Variants in SLC44A1 observed in about 807,000 individuals in gnomAD.
SLC44A1 encodes the protein solute carrier family 44 member 1, also known as choline transporter-like protein 1.
A neutral mutation model predicts 79.3 loss-of-function variants in SLC44A1; 26 were observed. The observed-to-expected ratio is 0.33, with a 90% CI of 0.24 to 0.46. The LOEUF (loss-of-function observed/expected upper bound fraction) is 0.46. Ranked by LOEUF, SLC44A1 falls within the 20% of genes least tolerant of loss-of-function variation. The pLI, the probability that SLC44A1 is intolerant of heterozygous loss-of-function variation, is 1.00. For missense variants in SLC44A1, 688 were observed against 798.1 expected (o/e 0.86, Z 1.66); for synonymous variants, 263 against 286.2 (o/e 0.92, Z 0.82).
chr9:105,309,783 C>T lies in SLC44A1; in HGVS notation c.186C>T (p.Tyr62=), dbSNP rs200569875. The T allele has an allele frequency of 2.2e-5, 35 of 1,613,700 alleles. No homozygotes were observed. In the Admixed American group the frequency reaches 3.2e-4, roughly 15 times the overall value. Residue 62 remains tyrosine (Y), a synonymous_variant, in exon 3 of 16, where the codon TAC becomes TAT. Coordinates refer to ENST00000374720, the MANE Select transcript of SLC44A1 (RefSeq NM_080546.5). ...CAGCAGCAAGACTAGTGTCAGGATA[C>T]GACAGCTATGGAAATATCTGTGGGC... ...TGAAARLVSG[Y]DSYGNICGQK... is the part of the protein sequence containing the mutation.
chr9:105,304,034 A>G (rs181997903), intron 2 of SLC44A1, among the ~76,000 whole-genome samples: 1 of 152,324 alleles, frequency 6.6e-6, no homozygotes, highest in East Asian at 1.9e-4. Context: ...TGAGTTGTGG[A>G]CATGTAGAAT....
chr9:105,358,225 T>C (rs7040751), intron 6 of SLC44A1, 119 bp from the exon 7 acceptor site: 28,004 of 606,068 alleles, frequency 0.046, 2,663 homozygotes, highest in African/African-American at 0.3. Flanking sequence ...CTTATCTAAA[T>C]TGTGGTCAAT....
At chr9:105,281,442 G>A (rs1830348614) in intron 1 of SLC44A1, among the ~76,000 whole-genome samples, 1 of 152,050 alleles carries the variant, frequency 6.6e-6, no homozygotes, top group African/African-American at 2.4e-5. Flanking sequence ...CATAAATGTG[G>A]TCACCAGAAA....
chr9:105,401,996 T>C (rs1251141387), downstream of SLC44A1, among the ~76,000 whole-genome samples: 1 of 152,056 alleles, frequency 6.6e-6, no homozygotes, highest in Non-Finnish European at 1.5e-5. Context: ...AGCCAGATGA[T>C]GAAGGGGTGG....
chr9:105,253,617 G>T (rs1438373068), intron 1 of SLC44A1, among the ~76,000 whole-genome samples: 1 of 152,170 alleles, frequency 6.6e-6, no homozygotes, highest in Non-Finnish European at 1.5e-5. Context: ...TTTGGTCTCA[G>T]CTACTCAGGA....
intron 15 of SLC44A1, among the ~76,000 whole-genome samples, chr9:105,431,693 C>G (rs1186600361): frequency 6.6e-6 from 1 of 152,140 alleles, no homozygotes; most frequent in South Asian, 2.1e-4. Context: ...AAATTCCAGT[C>G]CATATAGCTT....
intron 5 of SLC44A1, among the ~76,000 whole-genome samples, chr9:105,352,996 T>C (rs557381222): frequency 1.1e-4 from 16 of 152,340 alleles, no homozygotes; most frequent in Middle Eastern, 6.8e-3. Flanking sequence ...CTTTTTACTT[T>C]AAAGCTAAGT....
At chr9:105,385,653 A>G in intron 15 of SLC44A1, 151 bp downstream of exon 15, 2 of 1,418,638 alleles carry the variant, frequency 1.4e-6, no homozygotes, top group Admixed American at 2.8e-5. Context: ...GTGCTTACCC[A>G]TCACTTGGAT....
chr9:105,392,172 A>G lies in SLC44A1; in HGVS notation c.*3116A>G. The G allele has an allele frequency of 1.0e-6, 1 of 985,192 alleles. No individual in the cohort carries two copies. The highest frequency in any genetic ancestry group is 4.7e-5 in the South Asian group (1 of 21,284). 61.0% of individuals were successfully genotyped at this position (985,192 alleles called of 1,614,324 possible). On this transcript the variant is annotated 3_prime_UTR_variant, in exon 16 of 16. Transcript: ENST00000374720. The stretch of plus-strand genomic sequence containing the variant: ...CCTTGCATGGATGAGCAGAGCTCAA[A>G]GCCAGTTGTTCCTTTAAAGCATTTA...
At chr9:105,409,947 G>T (rs1027799561) in intron 15 of SLC44A1, among the ~76,000 whole-genome samples, 8 of 152,072 alleles carry the variant, frequency 5.3e-5, no homozygotes, top group Non-Finnish European at 1.2e-4. Flanking sequence ...GCTAAACCAT[G>T]TTAGGCCACA....
At chr9:105,438,170 A>C (rs1386358702) in intron 15 of SLC44A1, 16 of 841,158 alleles carry the variant, frequency 1.9e-5, no homozygotes, top group Non-Finnish European at 3.1e-5. Context: ...CTTACATTTC[A>C]TAATGTTTTC....
In SLC44A1 at chr9:105,309,807, G is replaced by A; in HGVS notation, c.210G>A (p.Gly70=). The A allele has an allele frequency of 6.2e-7, 1 of 1,613,920 alleles. No homozygotes were observed. The highest frequency in any genetic ancestry group is 1.1e-5 in the South Asian group (1 of 91,062). ...ACGACAGCTATGGAAATATCTGTGG[G>A]CAGAAAAATACAAAGTTGGAAGCAA... is the stretch of plus-strand genomic sequence containing the variant. ...SGYDSYGNIC[G]QKNTKLEAIP... The change falls in exon 3 of 16, where the codon GGG becomes GGA. Residue 70 remains glycine (G), a synonymous_variant. Transcript: ENST00000374720.
chr9:105,405,213 C>T lies in SLC44A1; in HGVS notation c.1950+19711C>T, dbSNP rs565209395. On this transcript the variant is annotated intron_variant, in intron 15 of 15. Coordinates refer to the SLC44A1 transcript ENST00000374724. Reference sequence around the variant, plus strand: ...GCGGGCACCTGCAATCCCAGCTACTCGGGAGGCTGAGGCAGGAGAATCTCT... The same window carrying T: ...GCGGGCACCTGCAATCCCAGCTACTTGGGAGGCTGAGGCAGGAGAATCTCT... Among the ~76,000 whole-genome samples, 8 of 151,674 alleles carry T rather than the reference C, an allele frequency of 5.3e-5. No homozygotes were observed. In the South Asian group the frequency reaches 6.2e-4, roughly 12 times the overall value.
chr9:105,328,495 G>C (rs1055960740), intron 3 of SLC44A1, among the ~76,000 whole-genome samples: 4 of 152,188 alleles, frequency 2.6e-5, no homozygotes, highest in African/African-American at 4.8e-5. Context: ...GAGTGTGCCA[G>C]GTTGCTTGAG....
chr9:105,259,463 G>T (rs1829791758), intron 1 of SLC44A1, among the ~76,000 whole-genome samples: 1 of 152,172 alleles, frequency 6.6e-6, no homozygotes, highest in Non-Finnish European at 1.5e-5. Flanking sequence ...GAGCACAAAT[G>T]ATTAGTGTGC....
intron 1 of SLC44A1, among the ~76,000 whole-genome samples, chr9:105,282,543 T>C (rs1017313991): frequency 6.6e-6 from 1 of 151,938 alleles, no homozygotes; most frequent in Non-Finnish European, 1.5e-5. Context: ...ATAGATTGGG[T>C]CTTGATTTTT....
chr9:105,315,271 GTTT>G (rs72336954), intron 3 of SLC44A1, among the ~76,000 whole-genome samples: 10,258 of 130,234 alleles, frequency 0.079, 874 homozygotes, highest in African/African-American at 0.21. Flanking sequence ...TTTTTTGTTT[GTTT>G]TTTTTTTTTT....
intron 15 of SLC44A1, among the ~76,000 whole-genome samples, chr9:105,434,290 G>A (rs935303528): frequency 3.9e-5 from 6 of 151,928 alleles, no homozygotes; most frequent in African/African-American, 7.3e-5. Flanking sequence ...GCAGTGAGCC[G>A]AGACTGCACC....
At chr9:105,377,817 C>CT (rs1332739579) in intron 13 of SLC44A1, among the ~76,000 whole-genome samples, 3 of 151,726 alleles carry the variant, frequency 2.0e-5, no homozygotes, top group Admixed American at 6.6e-5. Context: ...CTAAAATTGG[C>CT]TTTTTTTAGC....
Sources: gnomAD v4.1 joint callset for allele counts (sites outside exome capture counted in the v4.1 genomes callset) on GRCh38, gnomAD v4.1.1 for gene constraint, MANE v1.5 for transcripts, NCBI Gene and HGNC (gene_info 2026-07-23, HGNC 2026-07-21) for gene names.